The following PTPRD variants were observed in gnomAD, a reference collection of about 807,000 sequenced individuals.
PTPRD encodes the protein receptor-type tyrosine-protein phosphatase delta.
A neutral mutation model predicts 214.5 loss-of-function variants in PTPRD; 34 were observed. That is an observed-to-expected ratio of 0.16 (90% CI 0.12 to 0.21). The LOEUF is 0.21. Among genes scored for constraint, PTPRD ranks in the 10% least tolerant of loss-of-function variants. PTPRD has a pLI of 1.00. For synonymous variants in PTPRD, 1,128 were observed against 845.7 expected (o/e 1.33, Z -5.79); for missense variants, 2,545 against 2,398.7 (o/e 1.06, Z -1.27).
At chr9:8,507,464 C>A in intron 21 of PTPRD, 30 bp from the exon 22 acceptor site, 1 of 1,612,928 alleles carries the variant, frequency 6.2e-7, no homozygotes, top group Non-Finnish European at 8.5e-7. Flanking sequence ...GGATTGAACT[C>A]ACAATCACCA....
chr9:8,879,269 T>C (rs1425330753), intron 11 of PTPRD, among the ~76,000 whole-genome samples: 1 of 152,192 alleles, frequency 6.6e-6, no homozygotes, highest in Non-Finnish European at 1.5e-5. Context: ...TCATTGTTCC[T>C]GTTATCCTGG....
At position 10,170,240 on chromosome 9, in the gene PTPRD, T is replaced by A. The variant is rs145656788; in HGVS notation, c.-544-136450A>T. Among the ~76,000 whole-genome samples, 362 of 152,194 alleles carry A rather than the reference T, an allele frequency of 2.4e-3. 1 individual carries two copies. The highest frequency in any genetic ancestry group is 2.6e-3 in the Non-Finnish European group (180 of 68,014). ...ATTATTGAGAATATAGACAACTACC[T>A]CTTTTTGCACAGGCCTCATTCTTCT... On this transcript the variant is annotated intron_variant, in intron 3 of 45. Coordinates refer to ENST00000381196, the MANE Select transcript of PTPRD (RefSeq NM_002839.4).
At chr9:9,643,724 A>T (rs1396567548) in intron 7 of PTPRD, among the ~76,000 whole-genome samples, 1 of 152,230 alleles carries the variant, frequency 6.6e-6, no homozygotes, top group Non-Finnish European at 1.5e-5. Flanking sequence ...TCGCTGGATC[A>T]CTGCCAAATC....
At chr9:10,058,054 G>A (rs139130060) in intron 3 of PTPRD, among the ~76,000 whole-genome samples, 1 of 152,230 alleles carries the variant, frequency 6.6e-6, no homozygotes, top group African/African-American at 2.4e-5. Context: ...ACGGGTATGT[G>A]TGTAGTGCTG....
At chr9:9,978,056 T>A (rs944383438) in intron 4 of PTPRD, among the ~76,000 whole-genome samples, 1 of 151,934 alleles carries the variant, frequency 6.6e-6, no homozygotes, top group African/African-American at 2.4e-5. Flanking sequence ...CTCAAGTCCA[T>A]CAGATAGCTG....
intron 4 of PTPRD, among the ~76,000 whole-genome samples, chr9:10,019,283 G>A (rs902196187): frequency 2.6e-5 from 4 of 152,168 alleles, no homozygotes; most frequent in Non-Finnish European, 5.9e-5. Context: ...AAAAACAGGG[G>A]CTGGAGAGGA....
chr9:9,478,857 G>C (rs1396936137), intron 8 of PTPRD, among the ~76,000 whole-genome samples: 1 of 152,168 alleles, frequency 6.6e-6, no homozygotes, highest in East Asian at 1.9e-4. Context: ...GTGCAAGTGA[G>C]TTCCATCTCA....
At chr9:9,220,446 T>A (rs2099955163) in intron 9 of PTPRD, among the ~76,000 whole-genome samples, 1 of 152,034 alleles carries the variant, frequency 6.6e-6, no homozygotes, top group African/African-American at 2.4e-5. Context: ...CCCAAACATA[T>A]TTGGTCTTGA....
At chr9:10,603,166 C>G (rs2078414289) in intron 2 of PTPRD, among the ~76,000 whole-genome samples, 1 of 151,772 alleles carries the variant, frequency 6.6e-6, no homozygotes, top group East Asian at 1.9e-4. Context: ...AAGGGCCACC[C>G]CAGGGAAAGG....
intron 2 of PTPRD, among the ~76,000 whole-genome samples, chr9:10,588,992 C>A (rs1447773351): frequency 1.3e-5 from 2 of 151,970 alleles, no homozygotes; most frequent in East Asian, 1.9e-4. Context: ...ATTGTAGAAC[C>A]TTTTCGTCTC....
intron 3 of PTPRD, among the ~76,000 whole-genome samples, chr9:10,330,272 G>T (rs1171418715): frequency 6.6e-6 from 1 of 151,784 alleles, no homozygotes. Context: ...TGAGTGTACA[G>T]AGGAACCATG....
intron 8 of PTPRD, among the ~76,000 whole-genome samples, chr9:9,469,486 G>C (rs866828498): frequency 6.6e-6 from 1 of 152,104 alleles, no homozygotes; most frequent in South Asian, 2.1e-4. Context: ...CTGAGCTTGA[G>C]ACAGAGGCTT....
chr9:9,367,012 G>A (rs187133427), intron 9 of PTPRD, among the ~76,000 whole-genome samples: 3 of 151,274 alleles, frequency 2.0e-5, no homozygotes, highest in Non-Finnish European at 4.4e-5. Flanking sequence ...CAAATCTCAG[G>A]ATATTGTAAT....
intron 4 of PTPRD, among the ~76,000 whole-genome samples, chr9:10,002,465 A>T (rs2096348909): frequency 6.6e-6 from 1 of 150,710 alleles, no homozygotes; most frequent in Admixed American, 6.6e-5. Context: ...CAAAGACACA[A>T]ATCAGTTGAA....
At chr9:8,569,917 A>T (rs2090587936) in intron 14 of PTPRD, among the ~76,000 whole-genome samples, 1 of 152,174 alleles carries the variant, frequency 6.6e-6, no homozygotes, top group South Asian at 2.1e-4. Context: ...CAGATTTGGG[A>T]AACTGAAAAA....
intron 11 of PTPRD, among the ~76,000 whole-genome samples, chr9:8,744,320 G>C (rs1246894113): frequency 6.6e-6 from 1 of 151,608 alleles, no homozygotes; most frequent in Admixed American, 6.6e-5. Flanking sequence ...AAGAAAAGAA[G>C]TCATTATCCG....
chr9:10,320,988 G>A (rs574468178), intron 3 of PTPRD, among the ~76,000 whole-genome samples: 5 of 151,952 alleles, frequency 3.3e-5, no homozygotes, highest in Admixed American at 6.6e-5. Context: ...GCCTCCTAAA[G>A]TGCTGAGATT....
chr9:8,939,294 G>A (rs1722313155), intron 11 of PTPRD, among the ~76,000 whole-genome samples: 1 of 152,116 alleles, frequency 6.6e-6, no homozygotes, highest in African/African-American at 2.4e-5. Flanking sequence ...TGCTTGCAAG[G>A]AAGAAAATAC....
At chr9:8,735,279 G>C (rs923150972) in intron 11 of PTPRD, among the ~76,000 whole-genome samples, 7 of 151,688 alleles carry the variant, frequency 4.6e-5, no homozygotes, top group African/African-American at 1.5e-4. Flanking sequence ...AAGTAGCTGA[G>C]ATTACAGGTG....
Sources: gnomAD v4.1 joint callset for allele counts (sites outside exome capture counted in the v4.1 genomes callset) on GRCh38, gnomAD v4.1.1 for gene constraint, MANE v1.5 for transcripts, NCBI Gene and HGNC (gene_info 2026-07-23, HGNC 2026-07-21) for gene names.